MED13: variants seen among roughly 807,000 people sequenced by gnomAD.
The protein encoded by MED13 is mediator complex subunit 13.
In MED13, 23 loss-of-function variants were observed where a neutral mutation model predicts 225.2. The observed-to-expected ratio is 0.10, with a 90% CI of 0.07 to 0.14. The LOEUF (loss-of-function observed/expected upper bound fraction) is 0.14, where lower values mean the gene tolerates loss of function less well. MED13 is among the 10% of genes least tolerant of loss of function. The pLI is 1.00. For missense variants in MED13, 2,197 were observed against 2,594.5 expected (o/e 0.85, Z 3.33); for synonymous variants, 942 against 889.2 (o/e 1.06, Z -1.06).
chr17:61,963,268 AG>A (rs1464195530), intron 20 of MED13, among the ~76,000 whole-genome samples: 1 of 63,900 alleles, frequency 1.6e-5, no homozygotes, highest in Non-Finnish European at 2.5e-5. Context: ...CCATAGGGTA[AG>A]GGTATTAGAT....
chr17:61,951,086 C>A, intron 27 of MED13, 88 bp from the exon 28 acceptor site: 1 of 1,004,076 alleles, frequency 1.0e-6, no homozygotes, highest in Non-Finnish European at 1.4e-6. Context: ...AGCAATCAGT[C>A]TCATTATCTT....
At chr17:61,999,105 TTC>T (rs1373203809) in intron 9 of MED13, among the ~76,000 whole-genome samples, 2 of 152,146 alleles carry the variant, frequency 1.3e-5, no homozygotes, top group Non-Finnish European at 1.5e-5. Flanking sequence ...CATCACAGAC[TTC>T]TTTCTGTGAA....
chr17:62,047,109 G>A (rs905354792), intron 3 of MED13, among the ~76,000 whole-genome samples: 4 of 151,654 alleles, frequency 2.6e-5, no homozygotes, highest in Non-Finnish European at 5.9e-5. Context: ...GGTGGCTCAC[G>A]CCTGTAATCC....
At chr17:62,032,901 G>GCA (rs1293475769) in intron 5 of MED13, among the ~76,000 whole-genome samples, 1 of 152,170 alleles carries the variant, frequency 6.6e-6, no homozygotes, top group African/African-American at 2.4e-5. Context: ...AGTAATCCCA[G>GCA]CACTCTGGGA....
Position 61,982,234 on chromosome 17 carries a change from T to C in MED13, c.3769A>G (p.Lys1257Glu). The C allele has an allele frequency of 3.1e-6, 5 of 1,614,132 alleles. No individual in the cohort carries two copies. Among genetic ancestry groups the C allele is most frequent in the Non-Finnish European group, 4.2e-6 (5 of 1,180,000 alleles). Residue 1257 changes from lysine (K) to glutamate (E), a missense_variant, in exon 16 of 30, where the codon AAA becomes GAA. By Grantham distance (56) the Lys-to-Glu change is moderately conservative. Around this residue, in one of 12 missense-constraint regions of MED13, gnomAD observed 203 missense variants for 209.7 expected, o/e 0.97. Transcript: ENST00000397786. ...GACCAGGGGTGTAAGCATGAACTTT[T>C]CACAAGTGCTTCATCAACTTTTCCT... is the stretch of plus-strand genomic sequence containing the variant. Reference protein sequence around the residue: ...SGGKVDEALVKSSCLHPWSKR... With the variant: ...SGGKVDEALVESSCLHPWSKR...
intron 8 of MED13, among the ~76,000 whole-genome samples, chr17:62,015,954 A>ATATATT (rs1567980090): frequency 7.7e-5 from 1 of 12,908 alleles, no homozygotes; most frequent in Non-Finnish European, 1.1e-4. Flanking sequence ...ATATATATAT[A>ATATATT]TTTTTTTTTT....
intron 28 of MED13, among the ~76,000 whole-genome samples, chr17:61,948,785 C>T (rs377332938): frequency 2.0e-5 from 3 of 151,172 alleles, no homozygotes; most frequent in East Asian, 2.0e-4. Flanking sequence ...GGTGGTTTTA[C>T]ATAAGAATAA....
chr17:61,986,943 A>G, intron 12 of MED13, 64 bp downstream of exon 12: 1 of 1,183,492 alleles, frequency 8.4e-7, no homozygotes, highest in Admixed American at 3.2e-5. Flanking sequence ...CACTTCTAAA[A>G]AATAAAAAAA....
At chr17:62,057,527 T>C (rs539073347) in intron 2 of MED13, among the ~76,000 whole-genome samples, 1 of 151,810 alleles carries the variant, frequency 6.6e-6, no homozygotes, top group South Asian at 2.2e-4. Context: ...AATTACTCTC[T>C]TTAGACTATG....
intron 2 of MED13, 27 bp from the exon 3 acceptor site, chr17:62,052,732 A>T (rs1450974967): frequency 6.6e-7 from 1 of 1,519,364 alleles, no homozygotes; most frequent in Non-Finnish European, 8.9e-7. Context: ...GGAAATAATA[A>T]AATAGTGACA....
chr17:61,948,598 A>G (rs577909103), intron 28 of MED13, among the ~76,000 whole-genome samples: 8 of 151,888 alleles, frequency 5.3e-5, no homozygotes, highest in Non-Finnish European at 8.8e-5. Context: ...CCAAAGGACC[A>G]AAGAATCCTT....
At chr17:62,013,487 C>T (rs1338050558) in intron 8 of MED13, among the ~76,000 whole-genome samples, 1 of 151,374 alleles carries the variant, frequency 6.6e-6, no homozygotes, top group Non-Finnish European at 1.5e-5. Context: ...TATTCAACCC[C>T]TATTTATATA....
At position 61,986,988 on chromosome 17, in the gene MED13, T is replaced by G; in HGVS notation, c.2385+19A>C. 6.7e-7 allele frequency: 1 copy of G among 1,489,230 alleles called. No homozygotes were observed. The highest frequency in any genetic ancestry group is 9.0e-7 in the Non-Finnish European group (1 of 1,112,710). The allele number at this position is 1,489,230 out of a possible 1,614,324, so 92.3% of individuals were successfully genotyped here. On this transcript the variant is annotated intron_variant, in intron 12 of 29. Transcript: ENST00000397786. ...CAAGGAAAACAAATTATAATCCTAT[T>G]CATTAATGAGATACTCACTGTTAGT...
intron 8 of MED13, among the ~76,000 whole-genome samples, chr17:62,023,950 G>A (rs1481958537): frequency 1.3e-5 from 2 of 152,088 alleles, no homozygotes; most frequent in Admixed American, 6.5e-5. Context: ...CACACGTATC[G>A]ATTATGTAAA....
At chr17:61,997,104 G>T (rs1487047021) in intron 9 of MED13, among the ~76,000 whole-genome samples, 1 of 152,146 alleles carries the variant, frequency 6.6e-6, no homozygotes, top group Admixed American at 6.6e-5. Flanking sequence ...GAAGGTATTT[G>T]CAGATCGTAC....
chr17:61,995,158 T>G lies in MED13; in HGVS notation c.2175A>C (p.Lys725Asn). The G allele has an allele frequency of 2.5e-6, 4 of 1,611,802 alleles. No homozygotes were observed. Among genetic ancestry groups the G allele is most frequent in the Non-Finnish European group, 3.4e-6 (4 of 1,178,332 alleles). ...GTACTGTGATTTCTCTTACCTTGTG[T>G]TTTTTTCCAGCTTCTCTCTCACTAT... is the stretch of plus-strand genomic sequence containing the variant. ...RQNSEREAGK[K>N]HKVEDGTSSV... The change falls in exon 10 of 30, where the codon AAA (lysine) becomes AAC (asparagine). Residue 725 changes from lysine (K) to asparagine (N), a missense_variant. By Grantham distance (94) the Lys-to-Asn change is moderately conservative (BLOSUM62 0). Coordinates refer to ENST00000397786, the MANE Select transcript of MED13 (RefSeq NM_005121.3).
intron 5 of MED13, among the ~76,000 whole-genome samples, chr17:62,032,924 T>G (rs1156264452): frequency 2.0e-5 from 3 of 151,982 alleles, no homozygotes; most frequent in Admixed American, 2.0e-4. Context: ...CCAAGGTAGG[T>G]GGATCACTTG....
intron 23 of MED13, among the ~76,000 whole-genome samples, chr17:61,958,483 C>T (rs995426074): frequency 8.5e-5 from 13 of 152,116 alleles, no homozygotes; most frequent in African/African-American, 2.6e-4. Flanking sequence ...GGACTACAGG[C>T]GTGTACGACC....
In MED13 at chr17:61,965,168, A is replaced by T. The variant is rs1450091555; in HGVS notation, c.4682T>A (p.Phe1561Tyr). 6.8e-6 allele frequency: 11 copies of T among 1,614,004 alleles called. No homozygotes were observed. Among genetic ancestry groups the T allele is most frequent in the Non-Finnish European group, 9.3e-6 (11 of 1,180,026 alleles). The change falls in exon 20 of 30, where the codon TTT becomes TAT. Residue 1561 changes from phenylalanine (F) to tyrosine (Y), a missense_variant. Coordinates refer to ENST00000397786, the MANE Select transcript of MED13 (RefSeq NM_005121.3). ...TGCAGCATTACTGTTCATACTGCCA[A>T]AGGGTGGAAACGAAGGTAGTTTATT... ...SSNKLPSFPP[F>Y]GSMNSNAAGS...
Sources: allele counts gnomAD v4.1 joint callset (sites outside exome capture counted in the v4.1 genomes callset), GRCh38; gene constraint gnomAD v4.1.1; regional missense constraint gnomAD v4.1.1; transcripts MANE v1.5; gene names NCBI Gene and HGNC (gene_info 2026-07-23, HGNC 2026-07-21).